Variants in PPP3CA observed in about 807,000 individuals in gnomAD.
PPP3CA encodes protein phosphatase 3 catalytic subunit alpha.
A neutral mutation model predicts 66.5 loss-of-function variants in PPP3CA; 14 were observed. That is an observed-to-expected ratio of 0.21 (90% CI 0.14 to 0.33). The LOEUF is 0.33. PPP3CA is among the 10% of genes least tolerant of loss of function. The probability of loss-of-function intolerance (pLI) is 1.00; values close to 1 mark genes in which losing one functional copy is unlikely to be tolerated. For missense variants in PPP3CA, 317 were observed against 639.5 expected (o/e 0.50, Z 5.44); for synonymous variants, 232 against 226.2 (o/e 1.03, Z -0.23).
At chr4:101,251,374 A>G (rs1477843815) in intron 1 of PPP3CA, among the ~76,000 whole-genome samples, 1 of 152,104 alleles carries the variant, frequency 6.6e-6, no homozygotes, top group Non-Finnish European at 1.5e-5. Flanking sequence ...GCTAATCACA[A>G]AACTCAACAC....
At chr4:101,336,238 C>G (rs1578201841) in intron 1 of PPP3CA, among the ~76,000 whole-genome samples, 1 of 148,204 alleles carries the variant, frequency 6.7e-6, no homozygotes, top group South Asian at 2.2e-4. Context: ...AAAAAGCAAA[C>G]AAAAACATGC....
chr4:101,247,126 A>G (rs1353295163), intron 1 of PPP3CA, among the ~76,000 whole-genome samples: 1 of 151,968 alleles, frequency 6.6e-6, no homozygotes. Context: ...GAGATGTGGT[A>G]ATGTCTTCCT....
At chr4:101,292,079 T>C (rs1218474388) in intron 1 of PPP3CA, among the ~76,000 whole-genome samples, 1 of 121,548 alleles carries the variant, frequency 8.2e-6, no homozygotes, top group Non-Finnish European at 1.7e-5. Context: ...ACTGAGCCCA[T>C]GAACACACAC....
At chr4:101,140,764 A>G (rs1290731245) in intron 2 of PPP3CA, among the ~76,000 whole-genome samples, 1 of 152,238 alleles carries the variant, frequency 6.6e-6, no homozygotes, top group East Asian at 1.9e-4. Flanking sequence ...AGGTGTCAAA[A>G]GCATTCCCAA....
intron 1 of PPP3CA, among the ~76,000 whole-genome samples, chr4:101,213,210 T>G (rs2110206879): frequency 6.6e-6 from 1 of 151,712 alleles, no homozygotes. Flanking sequence ...TACTTGTTCA[T>G]CAGTTTGAAA....
In PPP3CA at chr4:101,077,175, A is replaced by G. The variant is rs144493555; in HGVS notation, c.955+3357T>C. ...ATTTGTTAATTACAGATAAGTATGA[A>G]CTACTAATAAGAAATACTGGGCATT... On this transcript the variant is annotated intron_variant, in intron 8 of 13. Coordinates refer to ENST00000394854, the MANE Select transcript of PPP3CA (RefSeq NM_000944.5). Among the ~76,000 whole-genome samples, 72 of 152,352 alleles carry G rather than the reference A, an allele frequency of 4.7e-4. No homozygotes were observed. The East Asian group carries it at 0.013, about 29-fold the overall frequency.
At chr4:101,200,330 T>C (rs183578841) in intron 1 of PPP3CA, among the ~76,000 whole-genome samples, 4 of 152,318 alleles carry the variant, frequency 2.6e-5, no homozygotes, top group African/African-American at 9.6e-5. Context: ...GCATCTGTCA[T>C]GATTGAATCA....
chr4:101,310,621 C>G lies in PPP3CA; in HGVS notation c.58+36118G>C, dbSNP rs531405400. ...CCAGGAGTTAGTGAATACAATGAGCCATGATCACGCCACTGCACTCCAGCC... is the reference window on the plus strand; with the variant it reads ...CCAGGAGTTAGTGAATACAATGAGCGATGATCACGCCACTGCACTCCAGCC... On this transcript the variant is annotated intron_variant, in intron 1 of 13. Transcript: ENST00000394854. Among the ~76,000 whole-genome samples the G allele has an allele frequency of 3.3e-5, 5 of 152,214 alleles. No individual in the cohort carries two copies. The South Asian group carries it at 8.3e-4, about 25-fold the overall frequency.
chr4:101,196,207 A>T (rs1724786764), intron 1 of PPP3CA, 91 bp from the exon 2 acceptor site: 1 of 1,138,084 alleles, frequency 8.8e-7, no homozygotes, highest in African/African-American at 1.6e-5. Flanking sequence ...CTCATCACAA[A>T]CCAACTAATA....
At chr4:101,227,062 T>C (rs1725805570) in intron 1 of PPP3CA, among the ~76,000 whole-genome samples, 1 of 151,744 alleles carries the variant, frequency 6.6e-6, no homozygotes. Flanking sequence ...TATTGATAGG[T>C]TCAATGTTGA....
chr4:101,091,791 C>T (rs1222149392), intron 6 of PPP3CA, among the ~76,000 whole-genome samples: 1 of 149,422 alleles, frequency 6.7e-6, no homozygotes, highest in Non-Finnish European at 1.5e-5. Context: ...GCATTAACTT[C>T]AGGGAACATC....
intron 12 of PPP3CA, among the ~76,000 whole-genome samples, chr4:101,032,001 GTT>G (rs1377924439): frequency 6.6e-6 from 1 of 152,238 alleles, no homozygotes; most frequent in Non-Finnish European, 1.5e-5. Context: ...ACCTAAATGA[GTT>G]GTCCTGTAGC....
At chr4:101,294,227 G>T (rs951822971) in intron 1 of PPP3CA, among the ~76,000 whole-genome samples, 12 of 152,202 alleles carry the variant, frequency 7.9e-5, no homozygotes, top group African/African-American at 2.7e-4. Flanking sequence ...AAATGAGTGA[G>T]CTTATAAAAA....
chr4:101,210,450 AAACT>A (rs1199701186), intron 1 of PPP3CA, among the ~76,000 whole-genome samples: 3 of 152,178 alleles, frequency 2.0e-5, no homozygotes, highest in African/African-American at 7.2e-5. Context: ...AAGATTAAAC[AAACT>A]AATATTTGTA....
chr4:101,073,228 C>CGTGTGTGTGTGTGT (rs74947807), intron 8 of PPP3CA, among the ~76,000 whole-genome samples: 1 of 143,780 alleles, frequency 7.0e-6, no homozygotes, highest in Admixed American at 7.0e-5. Flanking sequence ...TATATATATA[C>CGTGTGTGTGTGTGT]GTGTGTGTGT....
At position 101,218,644 on chromosome 4, in the gene PPP3CA, A is replaced by T. The variant is rs188387898; in HGVS notation, c.59-22528T>A. On this transcript the variant is annotated intron_variant, in intron 1 of 13. Transcript: ENST00000394854. Reference sequence around the variant, plus strand: ...TCATTTAGAAAAAACAAAGGAAAAAAATTATGTATAATAACGGAAAATATA... The same window carrying T: ...TCATTTAGAAAAAACAAAGGAAAAATATTATGTATAATAACGGAAAATATA... 2.1e-3 allele frequency among the ~76,000 whole-genome samples: 324 copies of T among 152,214 alleles called. 3 individuals carry two copies. The highest frequency in any genetic ancestry group is 7.2e-3 in the African/African-American group (301 of 41,550).
chr4:101,235,473 G>A (rs1560673178), intron 1 of PPP3CA, among the ~76,000 whole-genome samples: 1 of 150,406 alleles, frequency 6.6e-6, no homozygotes, highest in Non-Finnish European at 1.5e-5. Flanking sequence ...TATATAATAT[G>A]TGCATTTGTA....
At chr4:101,039,328 T>C (rs1727400338) in intron 11 of PPP3CA, among the ~76,000 whole-genome samples, 1 of 145,326 alleles carries the variant, frequency 6.9e-6, no homozygotes, top group South Asian at 2.3e-4. Context: ...ACTTGCTCCA[T>C]CTCTACATTG....
intron 1 of PPP3CA, among the ~76,000 whole-genome samples, chr4:101,254,073 A>G (rs1372889876): frequency 6.6e-6 from 1 of 152,046 alleles, no homozygotes; most frequent in Non-Finnish European, 1.5e-5. Context: ...AAATCATCCT[A>G]TCCTTCAAGA....
Sources: allele counts gnomAD v4.1 joint callset (sites outside exome capture counted in the v4.1 genomes callset), GRCh38; gene constraint gnomAD v4.1.1; transcripts MANE v1.5; gene names NCBI Gene and HGNC (gene_info 2026-07-23, HGNC 2026-07-21).